The following GBE1 variants were observed in gnomAD, a reference collection of about 807,000 sequenced individuals.
The protein encoded by GBE1 is 1,4-alpha-glucan-branching enzyme.
Under a neutral mutation model 88.8 loss-of-function variants are expected in GBE1, and 70 were observed. The observed-to-expected ratio is 0.79, with a 90% CI of 0.65 to 0.96. GBE1 has a LOEUF of 0.96. Ranked by LOEUF, GBE1 falls within the 40% of genes least tolerant of loss-of-function variation. The probability of loss-of-function intolerance (pLI) is 0.00; values close to 1 mark genes in which losing one functional copy is unlikely to be tolerated. For synonymous variants in GBE1, 284 were observed against 300.1 expected, an observed-to-expected ratio of 0.95 and a Z score of 0.56; for missense variants, 872 against 871.0, an observed-to-expected ratio of 1.00 and a Z score of -0.01.
intron 12 of GBE1, among the ~76,000 whole-genome samples, chr3:81,547,304 C>T (rs1413130896): frequency 6.6e-6 from 1 of 151,396 alleles, no homozygotes; most frequent in Non-Finnish European, 1.5e-5. Context: ...AGTGGACCCT[C>T]TTAGTAAAGT....
intron 1 of GBE1, among the ~76,000 whole-genome samples, chr3:81,734,159 AATGTT>A (rs1320531414): frequency 1.1e-4 from 16 of 152,202 alleles, no homozygotes; most frequent in Admixed American, 3.3e-4. Flanking sequence ...TGTATTTGTA[AATGTT>A]ATGTTAACTT....
chr3:81,646,002 G>C (rs1704758402), intron 6 of GBE1, among the ~76,000 whole-genome samples: 1 of 152,158 alleles, frequency 6.6e-6, no homozygotes, highest in Admixed American at 6.5e-5. Flanking sequence ...CCTTCTGTGA[G>C]TAGTAATTGT....
intron 1 of GBE1, among the ~76,000 whole-genome samples, chr3:81,754,409 T>G (rs1355207376): frequency 6.6e-6 from 1 of 150,546 alleles, no homozygotes. Flanking sequence ...CTCAATGCAA[T>G]CCCTATCAAA....
chr3:81,662,461 C>T (rs1257935781), intron 3 of GBE1, among the ~76,000 whole-genome samples: 1 of 152,038 alleles, frequency 6.6e-6, no homozygotes, highest in Non-Finnish European at 1.5e-5. Context: ...CCTGAGCATA[C>T]CTATGATTGT....
chr3:81,739,632 C>T (rs1326085574), intron 1 of GBE1, among the ~76,000 whole-genome samples: 1 of 152,062 alleles, frequency 6.6e-6, no homozygotes, highest in Non-Finnish European at 1.5e-5. Flanking sequence ...ATATCTTACC[C>T]TGTTCATCAG....
intron 6 of GBE1, among the ~76,000 whole-genome samples, chr3:81,643,948 C>T (rs1704728206): frequency 6.6e-6 from 1 of 152,136 alleles, no homozygotes; most frequent in Non-Finnish European, 1.5e-5. Flanking sequence ...TCCAATAATG[C>T]TAATTATCTT....
intron 13 of GBE1, among the ~76,000 whole-genome samples, chr3:81,536,626 G>A (rs1304519631): frequency 1.3e-5 from 2 of 151,952 alleles, no homozygotes; most frequent in Non-Finnish European, 2.9e-5. Flanking sequence ...TGGGTTCCCT[G>A]CAGAGCTTTT....
rs112197317 is a variant in GBE1 at position 81,581,497 on chromosome 3, G to A, written c.1336-222C>T. 9.4e-3 allele frequency among the ~76,000 whole-genome samples: 1,429 copies of A among 151,960 alleles called. 21 individuals are homozygous for A. The highest frequency in any genetic ancestry group is 0.031 in the African/African-American group (1,291 of 41,414). On this transcript the variant is annotated intron_variant, in intron 10 of 15. Transcript: ENST00000429644. ...GTGTAGAGTGTGTTTGTGTGTGTGT[G>A]TGTGGTGTTTGCTTTTGTGCAGACA... is the stretch of plus-strand genomic sequence containing the variant.
intron 2 of GBE1, among the ~76,000 whole-genome samples, chr3:81,679,447 G>T (rs1705307564): frequency 6.6e-6 from 1 of 152,138 alleles, no homozygotes; most frequent in African/African-American, 2.4e-5. Flanking sequence ...TTCACTAAGA[G>T]AATTAAGCCC....
At chr3:81,604,212 C>A (rs1039504163) in intron 7 of GBE1, among the ~76,000 whole-genome samples, 7 of 151,680 alleles carry the variant, frequency 4.6e-5, no homozygotes, top group Non-Finnish European at 8.8e-5. Flanking sequence ...AACAAACTGA[C>A]CTGAACTAAA....
chr3:81,649,229 A>AT (rs879858946), intron 4 of GBE1, among the ~76,000 whole-genome samples: 4 of 151,564 alleles, frequency 2.6e-5, no homozygotes, highest in African/African-American at 7.3e-5. Flanking sequence ...CATTGAGTAA[A>AT]TTTTTTTTTA....
At chr3:81,660,707 G>C (rs1705015152) in intron 3 of GBE1, among the ~76,000 whole-genome samples, 1 of 136,150 alleles carries the variant, frequency 7.3e-6, no homozygotes, top group Admixed American at 7.2e-5. Flanking sequence ...ACATACTGAA[G>C]TGCAAAAAAA....
Position 81,685,020 on chromosome 3 carries a change from T to C in GBE1, c.314-14067A>G, listed in dbSNP as rs565132460. Among the ~76,000 whole-genome samples the C allele has an allele frequency of 7.2e-4, 110 of 152,334 alleles. 3 individuals are homozygous for C. The highest frequency in any genetic ancestry group is 7.1e-3 in the Admixed American group (108 of 15,306). On this transcript the variant is annotated intron_variant, in intron 2 of 15. Coordinates refer to ENST00000429644, the MANE Select transcript of GBE1 (RefSeq NM_000158.4). ...ATGCCTAGCATTAACCTTGGTGTTA[T>C]AGCCTTGTGGAGGATAACAACAAAA...
At chr3:81,679,963 A>T (rs936119088) in intron 2 of GBE1, among the ~76,000 whole-genome samples, 1 of 152,178 alleles carries the variant, frequency 6.6e-6, no homozygotes, top group Non-Finnish European at 1.5e-5. Context: ...TCTGGCTGAA[A>T]TGCCTCTATC....
chr3:81,499,668 A>C (rs1702559824), intron 14 of GBE1, among the ~76,000 whole-genome samples: 1 of 152,194 alleles, frequency 6.6e-6, no homozygotes, highest in African/African-American at 2.4e-5. Flanking sequence ...TGCTAGATAT[A>C]TTACTAAATA....
At chr3:81,584,894 T>A (rs1402642079) in intron 10 of GBE1, among the ~76,000 whole-genome samples, 1 of 151,956 alleles carries the variant, frequency 6.6e-6, no homozygotes, top group Non-Finnish European at 1.5e-5. Flanking sequence ...ATTAAGGCTT[T>A]TAGCAGGAGG....
intron 12 of GBE1, among the ~76,000 whole-genome samples, chr3:81,565,208 C>T (rs765707586): frequency 4.6e-5 from 7 of 152,094 alleles, no homozygotes; most frequent in Admixed American, 2.0e-4. Context: ...GAGAATTTTG[C>T]AGTTTTTCAC....
chr3:81,674,283 T>TGA (rs1356860075), intron 2 of GBE1, among the ~76,000 whole-genome samples: 3 of 151,954 alleles, frequency 2.0e-5, no homozygotes, highest in Non-Finnish European at 2.9e-5. Flanking sequence ...CTGCCTTATA[T>TGA]GAGTTTCTCA....
intron 7 of GBE1, among the ~76,000 whole-genome samples, chr3:81,638,841 CATATAG>C (rs895208995): frequency 2.0e-5 from 3 of 152,074 alleles, no homozygotes; most frequent in African/African-American, 7.2e-5. Flanking sequence ...CAGGTTGTGA[CATATAG>C]ATAGGATAAA....
Sources: allele counts gnomAD v4.1 joint callset (sites outside exome capture counted in the v4.1 genomes callset), GRCh38; gene constraint gnomAD v4.1.1; transcripts MANE v1.5; gene names NCBI Gene and HGNC (gene_info 2026-07-23, HGNC 2026-07-21).